The following ALB variants were observed in gnomAD, a reference collection of about 807,000 sequenced individuals.
The protein encoded by ALB is serum albumin.
Under a neutral mutation model 74.5 loss-of-function variants are expected in ALB, and 37 were observed. The ratio of observed to expected loss-of-function variants is 0.50; its 90% confidence interval spans 0.38 to 0.65. The LOEUF is 0.65. Among genes scored for constraint, ALB ranks in the 30% least tolerant of loss-of-function variants. The pLI, the probability that ALB is intolerant of heterozygous loss-of-function variation, is 0.00. For missense variants in ALB, 685 were observed against 718.7 expected (o/e 0.95, Z 0.54); for synonymous variants, 249 against 251.6 (o/e 0.99, Z 0.10).
chr4:73,407,604 T>G (rs529564219), intron 3 of ALB, among the ~76,000 whole-genome samples: 1 of 152,218 alleles, frequency 6.6e-6, no homozygotes, highest in Non-Finnish European at 1.5e-5. Flanking sequence ...AGAGATGATA[T>G]CATGGTTTTT....
intron 14 of ALB, 96 bp downstream of exon 14, chr4:73,420,417 C>T (rs572239269): frequency 3.1e-5 from 24 of 763,586 alleles, no homozygotes; most frequent in South Asian, 1.5e-4. Context: ...AGACCAGCAC[C>T]GACCACTATT....
rs371514530 is a variant in ALB at position 73,412,132 on chromosome 4, A to G, written c.843+7A>G. The G allele has an allele frequency of 6.2e-7, 1 of 1,613,992 alleles. No homozygotes were observed. The highest frequency in any genetic ancestry group is 8.5e-7 in the Non-Finnish European group (1 of 1,179,946). Reference sequence around the variant, plus strand: ...TGAATGTGCTGATGACAGGGTAAAGAGTCGTCGATATGCTTTTTGGTAGCT... The same window carrying G: ...TGAATGTGCTGATGACAGGGTAAAGGGTCGTCGATATGCTTTTTGGTAGCT... On this transcript the variant is annotated splice_region_variant and intron_variant, in intron 7 of 14. Transcript: ENST00000295897.
intron 6 of ALB, among the ~76,000 whole-genome samples, chr4:73,410,763 G>T (rs2149327932): frequency 6.6e-6 from 1 of 152,058 alleles, no homozygotes; most frequent in South Asian, 2.1e-4. Flanking sequence ...ATTTTTTAAA[G>T]TTATTTTTAA....
rs766315161 is a variant in ALB, at chr4:73,409,499, A to C, written c.615+12A>C. The C allele has an allele frequency of 5.0e-6, 8 of 1,613,690 alleles. No individual in the cohort carries two copies. The African/African-American group carries it at 1.1e-4, about 22-fold the overall frequency. On this transcript the variant is annotated intron_variant, in intron 5 of 14. Transcript: ENST00000295897. Reference sequence around the variant, plus strand: ...GCCTGTTGCCAAAGGTATTATGCAAAAGAATAGAAAAAAAGAGTTCATTAT... The same window carrying C: ...GCCTGTTGCCAAAGGTATTATGCAACAGAATAGAAAAAAAGAGTTCATTAT...
At chr4:73,418,680 T>C (rs969205538) in intron 12 of ALB, among the ~76,000 whole-genome samples, 1 of 152,192 alleles carries the variant, frequency 6.6e-6, no homozygotes, top group Non-Finnish European at 1.5e-5. Context: ...ATTTTAAGTT[T>C]GCCCTATGGT....
rs546392123 is a variant in ALB, at chr4:73,417,367, G to T, written c.1290-164G>T. On this transcript the variant is annotated intron_variant, in intron 10 of 14. Coordinates refer to ENST00000295897, the MANE Select transcript of ALB (RefSeq NM_000477.7). ...GCCAAGTTTAACTAGTTGTTCAGGAGAATGTTTTCTACCCTCCACTAACCC... is the reference window on the plus strand; with the variant it reads ...GCCAAGTTTAACTAGTTGTTCAGGATAATGTTTTCTACCCTCCACTAACCC... Among the ~76,000 whole-genome samples the T allele has an allele frequency of 2.6e-5, 4 of 152,290 alleles. No individual in the cohort carries two copies. The East Asian group carries it at 7.7e-4, about 29-fold the overall frequency.
At chr4:73,408,849 G>A in intron 4 of ALB, 44 bp downstream of exon 4, 1 of 1,518,736 alleles carries the variant, frequency 6.6e-7, no homozygotes, top group Non-Finnish European at 9.1e-7. Context: ...AAAGCATGGA[G>A]TAACTCCATA....
chr4:73,418,620 A>G (rs903989847), intron 12 of ALB, among the ~76,000 whole-genome samples: 1 of 152,212 alleles, frequency 6.6e-6, no homozygotes, highest in South Asian at 2.1e-4. Context: ...GCACATGGCA[A>G]ATTAGTTAAT....
At chr4:73,409,575 T>A in intron 5 of ALB, 88 bp downstream of exon 5, 1 of 1,518,992 alleles carries the variant, frequency 6.6e-7, no homozygotes. Context: ...CCTGAGTGTC[T>A]GATACAAACT....
At chr4:73,406,511 GTGAAGAAGAT>G in intron 2 of ALB, 108 bp from the exon 3 acceptor site, 3 of 1,005,696 alleles carry the variant, frequency 3.0e-6, no homozygotes, top group Non-Finnish European at 4.5e-6. Context: ...CTGGATAATG[GTGAAGAAGAT>G]GTATAAAAGA....
chr4:73,409,147 GCACACACACACA>G, intron 4 of ALB, 196 bp from the exon 5 acceptor site: 1 of 560,058 alleles, frequency 1.8e-6, no homozygotes, highest in Non-Finnish European at 3.1e-6. Context: ...AACCATTTAT[GCACACACACACA>G]CACACACACA....
intron 3 of ALB, 35 bp from the exon 4 acceptor site, chr4:73,408,559 T>C (rs376004099): frequency 2.5e-6 from 4 of 1,577,616 alleles, no homozygotes; most frequent in African/African-American, 1.3e-5. Flanking sequence ...AAAAAGGTAC[T>C]GTCCAGCAAC....
chr4:73,412,352 C>G (rs1056228836), intron 7 of ALB: 1 of 564,018 alleles, frequency 1.8e-6, no homozygotes, highest in Non-Finnish European at 3.2e-6. Flanking sequence ...TCCTTTCAGT[C>G]ATGCTCTAAC....
intron 4 of ALB, 138 bp downstream of exon 4, chr4:73,408,943 A>T: frequency 1.2e-6 from 1 of 822,104 alleles, no homozygotes; most frequent in Non-Finnish European, 1.9e-6. Flanking sequence ...TTTTTTAAAG[A>T]AGTAGTATTT....
intron 2 of ALB, among the ~76,000 whole-genome samples, chr4:73,406,219 A>C (rs56394502): frequency 0.01 from 1,541 of 152,322 alleles, 14 homozygotes; most frequent in Non-Finnish European, 0.014. Flanking sequence ...TGATTGTGCC[A>C]CTGCACTCCA....
chr4:73,417,838 C>A (rs190454581), intron 11 of ALB, among the ~76,000 whole-genome samples, 169 bp downstream of exon 11: 404 of 151,734 alleles, frequency 2.7e-3, no homozygotes, highest in African/African-American at 9.4e-3. Context: ...AGTCAAGGCC[C>A]CGAGGATGAT....
Position 73,410,308 on chromosome 4 carries a change from G to T in ALB, c.616-4G>T. On this transcript the variant is annotated splice_region_variant and splice_polypyrimidine_tract_variant and intron_variant, in intron 5 of 14. Coordinates refer to ENST00000295897, the MANE Select transcript of ALB (RefSeq NM_000477.7). ...AATTTTCATCAAATTATTCCTTTTTGTAGCTCGATGAACTTCGGGATGAAG... is the reference window on the plus strand; with the variant it reads ...AATTTTCATCAAATTATTCCTTTTTTTAGCTCGATGAACTTCGGGATGAAG... The T allele has an allele frequency of 6.2e-7, 1 of 1,611,802 alleles. No individual in the cohort carries two copies. The highest frequency in any genetic ancestry group is 8.5e-7 in the Non-Finnish European group (1 of 1,178,002).
chr4:73,416,206 C>T lies in ALB; in HGVS notation c.1192-50C>T, dbSNP rs1719008118. ...GACCAGAGGGGTGAAAAACAACCTGCATCTGATCCTGAGGCATAATACTAT... is the reference window on the plus strand; with the variant it reads ...GACCAGAGGGGTGAAAAACAACCTGTATCTGATCCTGAGGCATAATACTAT... On this transcript the variant is annotated intron_variant, in intron 9 of 14. Transcript: ENST00000295897. 3 of 1,477,618 alleles carry T rather than the reference C, an allele frequency of 2.0e-6. No individual in the cohort carries two copies. In the South Asian group the frequency reaches 3.4e-5, roughly 17 times the overall value. The allele number at this position is 1,477,618 out of a possible 1,614,324, so 91.5% of individuals were successfully genotyped here. A position where few individuals can be genotyped will look rare whatever the true frequency, so the allele number is the denominator to read the frequency against.
intron 2 of ALB, among the ~76,000 whole-genome samples, chr4:73,405,784 G>A (rs1230366095): frequency 6.6e-6 from 1 of 151,988 alleles, no homozygotes; most frequent in African/African-American, 2.4e-5. Context: ...TAGAGATGGG[G>A]TTTCACCGTG....
Sources: gnomAD v4.1 joint callset for allele counts (sites outside exome capture counted in the v4.1 genomes callset) on GRCh38, gnomAD v4.1.1 for gene constraint, MANE v1.5 for transcripts, NCBI Gene and HGNC (gene_info 2026-07-23, HGNC 2026-07-21) for gene names.